The following EFTUD2 variants were observed in gnomAD, a reference collection of about 807,000 sequenced individuals.
EFTUD2 encodes 116 kDa U5 small nuclear ribonucleoprotein component.
Under a neutral mutation model 114.3 loss-of-function variants are expected in EFTUD2, and 9 were observed. The observed-to-expected ratio is 0.08, with a 90% CI of 0.05 to 0.14. The LOEUF is 0.14. EFTUD2 is among the 10% of genes least tolerant of loss of function. The pLI, the probability that EFTUD2 is intolerant of heterozygous loss-of-function variation, is 1.00. For missense variants in EFTUD2, 765 were observed against 1,241.2 expected, an observed-to-expected ratio of 0.62 and a Z score of 5.76; for synonymous variants, 449 against 462.3, an observed-to-expected ratio of 0.97 and a Z score of 0.37.
chr17:44,852,354 G>A, intron 26 of EFTUD2, 55 bp downstream of exon 26: 1 of 1,607,230 alleles, frequency 6.2e-7, no homozygotes, highest in Non-Finnish European at 8.5e-7. Flanking sequence ...GACAGAAGGG[G>A]ATGAGGCTTG....
intron 11 of EFTUD2, among the ~76,000 whole-genome samples, chr17:44,870,926 G>A (rs941391691): frequency 1.3e-5 from 2 of 151,998 alleles, no homozygotes; most frequent in Non-Finnish European, 2.9e-5. Flanking sequence ...GCTGAGGCAG[G>A]AGAATCACTT....
intron 1 of EFTUD2, among the ~76,000 whole-genome samples, chr17:44,898,680 CT>C (rs1396790426): frequency 6.6e-6 from 1 of 152,208 alleles, no homozygotes; most frequent in Non-Finnish European, 1.5e-5. Flanking sequence ...AAAATGTCAT[CT>C]TCTCTGTCAC....
At chr17:44,879,417 T>G in intron 9 of EFTUD2, 139 bp downstream of exon 9, 1 of 823,716 alleles carries the variant, frequency 1.2e-6, no homozygotes, top group Non-Finnish European at 2.0e-6. Context: ...GCTGCTTTAA[T>G]TTTAGAGCAA....
At chr17:44,858,331 G>C (rs1252611449) in intron 19 of EFTUD2, among the ~76,000 whole-genome samples, 3 of 152,106 alleles carry the variant, frequency 2.0e-5, no homozygotes, top group African/African-American at 7.2e-5. Flanking sequence ...GAACTGCTGG[G>C]CTCAAGCAAT....
At position 44,854,420 on chromosome 17, in the gene EFTUD2, G is replaced by A; in HGVS notation, c.2260-64C>T. 1 of 1,577,452 alleles carries A rather than the reference G, an allele frequency of 6.3e-7. No homozygotes were observed. Among genetic ancestry groups the A allele is most frequent in the Non-Finnish European group, 8.6e-7 (1 of 1,161,222 alleles). ...GCAACGGCTGAAGCATTTAGAGGGA[G>A]AAGACAGATGTGCCTGTAAGGGGAT... On this transcript the variant is annotated intron_variant, in intron 22 of 27. Coordinates refer to ENST00000426333, the MANE Select transcript of EFTUD2 (RefSeq NM_004247.4). The surrounding 1 kb of genome is among the most constrained non-coding windows in gnomAD (Gnocchi z 4.3).
chr17:44,857,196 T>G lies in EFTUD2; in HGVS notation c.1963-39A>C. Reference sequence around the variant, plus strand: ...AATAAATTACTGAAGCGAGGTCTAATTTTGTTGGAAGGGCAACCATTTACC... The same window carrying G: ...AATAAATTACTGAAGCGAGGTCTAAGTTTGTTGGAAGGGCAACCATTTACC... On this transcript the variant is annotated intron_variant, in intron 19 of 27. Coordinates refer to ENST00000426333, the MANE Select transcript of EFTUD2 (RefSeq NM_004247.4). 4 of 1,593,676 alleles carry G rather than the reference T, an allele frequency of 2.5e-6. No individual in the cohort carries two copies. The African/African-American group carries it at 5.4e-5, about 21-fold the overall frequency.
chr17:44,869,071 G>A (rs1489892371), intron 11 of EFTUD2, among the ~76,000 whole-genome samples: 1 of 152,180 alleles, frequency 6.6e-6, no homozygotes, highest in Non-Finnish European at 1.5e-5. Flanking sequence ...GGGATAAAGG[G>A]AATGCACTGG....
At chr17:44,882,636 G>A (rs1039592030) in intron 6 of EFTUD2, among the ~76,000 whole-genome samples, 1 of 152,162 alleles carries the variant, frequency 6.6e-6, no homozygotes, top group African/African-American at 2.4e-5. Context: ...TGTGGTAAAG[G>A]GAGACACATG....
At chr17:44,851,484 G>A (rs2050446950) in intron 27 of EFTUD2, 115 bp from the exon 28 acceptor site, 1 of 944,104 alleles carries the variant, frequency 1.1e-6, no homozygotes, top group African/African-American at 1.6e-5. Flanking sequence ...TGTAGGTGGT[G>A]GTGTTTCAGG....
intron 9 of EFTUD2, among the ~76,000 whole-genome samples, chr17:44,877,907 A>C (rs2050997748): frequency 6.6e-6 from 1 of 151,964 alleles, no homozygotes; most frequent in Non-Finnish European, 1.5e-5. Context: ...CTAGGTGGGC[A>C]GATCACTTGA....
chr17:44,870,313 A>G (rs2050823664), intron 11 of EFTUD2, among the ~76,000 whole-genome samples: 1 of 151,078 alleles, frequency 6.6e-6, no homozygotes, highest in South Asian at 2.1e-4. Context: ...TACAATGGAC[A>G]TTTAGAAACA....
chr17:44,864,577 C>T (rs1454446194), intron 14 of EFTUD2, among the ~76,000 whole-genome samples: 1 of 152,164 alleles, frequency 6.6e-6, no homozygotes, highest in Non-Finnish European at 1.5e-5. Context: ...CCAAGTCTCC[C>T]AAGTCCTAGC....
intron 12 of EFTUD2, 98 bp from the exon 13 acceptor site, chr17:44,867,995 G>T (rs2050782069): frequency 1.7e-6 from 2 of 1,186,718 alleles, no homozygotes; most frequent in Non-Finnish European, 2.3e-6. Context: ...CAACAGCCCA[G>T]GGGAGGAATG....
intron 17 of EFTUD2, 164 bp from the exon 18 acceptor site, chr17:44,860,209 G>T: frequency 1.0e-6 from 1 of 962,340 alleles, no homozygotes; most frequent in Non-Finnish European, 1.6e-6. Flanking sequence ...TTCTTCCCAG[G>T]TATTCTGGCA....
At position 44,893,668 on chromosome 17, in the gene EFTUD2, C is replaced by A. The variant is rs1442028179; in HGVS notation, c.105+749G>T. 2.7e-5 allele frequency among the ~76,000 whole-genome samples: 4 copies of A among 150,680 alleles called. No homozygotes were observed. The East Asian group carries it at 5.9e-4, about 22-fold the overall frequency. ...AGCTTTGCTGGAGCAGTATGAGATC[C>A]CACTAAGTCATGTTATAAAAAGGAC... is the stretch of plus-strand genomic sequence containing the variant. On this transcript the variant is annotated intron_variant, in intron 2 of 27. Transcript: ENST00000426333.
chr17:44,872,347 G>T, intron 11 of EFTUD2, 99 bp downstream of exon 11: 1 of 1,496,894 alleles, frequency 6.7e-7, no homozygotes, highest in Non-Finnish European at 9.2e-7. Context: ...TGTTCCCCCA[G>T]CAGGGTGCTG....
intron 13 of EFTUD2, 174 bp from the exon 14 acceptor site, chr17:44,865,239 T>C: frequency 4.6e-6 from 4 of 867,978 alleles, no homozygotes; most frequent in Non-Finnish European, 6.7e-6. Flanking sequence ...CTCTGCTACC[T>C]ACCCTTCAAA....
intron 6 of EFTUD2, among the ~76,000 whole-genome samples, chr17:44,882,673 C>G (rs539989825): frequency 1.3e-5 from 2 of 152,324 alleles, no homozygotes; most frequent in South Asian, 4.1e-4. Flanking sequence ...AGTGTTAAAA[C>G]AATCAATCTG....
intron 4 of EFTUD2, among the ~76,000 whole-genome samples, chr17:44,884,586 C>T (rs555249958): frequency 1.3e-5 from 2 of 151,506 alleles, no homozygotes; most frequent in Admixed American, 6.6e-5. Flanking sequence ...TCCTTTTGCT[C>T]TCCTTTTCAA....
Sources: allele counts gnomAD v4.1 joint callset (sites outside exome capture counted in the v4.1 genomes callset), GRCh38; gene constraint gnomAD v4.1.1; non-coding constraint Gnocchi (gnomAD v3.1); transcripts MANE v1.5; gene names NCBI Gene and HGNC (gene_info 2026-07-23, HGNC 2026-07-21).